The following STXBP6 variants were observed in gnomAD, a reference collection of about 807,000 sequenced individuals.
The protein encoded by STXBP6 is syntaxin-binding protein 6.
A neutral mutation model predicts 26.9 loss-of-function variants in STXBP6; 21 were observed. The ratio of observed to expected loss-of-function variants is 0.78; its 90% CI spans 0.55 to 1.12. The LOEUF (loss-of-function observed/expected upper bound fraction) is 1.12, where lower values mean the gene tolerates loss of function less well. STXBP6 is among the 50% of genes most tolerant of loss of function. STXBP6 has a pLI of 0.00. For missense variants in STXBP6, 232 were observed against 257.9 expected (o/e 0.90, Z 0.69); for synonymous variants, 97 against 92.6 (o/e 1.05, Z -0.27).
At chr14:25,018,332 A>T (rs993962261) in intron 1 of STXBP6, among the ~76,000 whole-genome samples, 5 of 152,164 alleles carry the variant, frequency 3.3e-5, no homozygotes, top group African/African-American at 9.7e-5. Flanking sequence ...CCACAGAGTG[A>T]TCTTTAATAA....
chr14:24,872,664 G>A (rs912369624), intron 2 of STXBP6, among the ~76,000 whole-genome samples: 1 of 152,172 alleles, frequency 6.6e-6, no homozygotes, highest in Non-Finnish European at 1.5e-5. Context: ...ACGAGAGTAG[G>A]GAGATGCCAC....
chr14:25,013,274 T>C (rs549663860), intron 1 of STXBP6, among the ~76,000 whole-genome samples: 4 of 152,138 alleles, frequency 2.6e-5, no homozygotes, highest in African/African-American at 9.7e-5. Context: ...GAATCGAACA[T>C]TTTTCTTGCC....
chr14:24,875,068 C>T (rs1004734875), intron 2 of STXBP6, among the ~76,000 whole-genome samples: 6 of 152,212 alleles, frequency 3.9e-5, no homozygotes, highest in Admixed American at 3.9e-4. Context: ...GCACTGACTG[C>T]AGCTAACTGA....
At chr14:24,857,758 C>T (rs146356327) in intron 2 of STXBP6, among the ~76,000 whole-genome samples, 316 of 151,912 alleles carry the variant, frequency 2.1e-3, no homozygotes, top group African/African-American at 7.4e-3. Flanking sequence ...GTTCTGGGCA[C>T]ACCTCCACAC....
At chr14:24,938,892 G>A (rs1316914544) in intron 2 of STXBP6, among the ~76,000 whole-genome samples, 1 of 152,058 alleles carries the variant, frequency 6.6e-6, no homozygotes, top group Non-Finnish European at 1.5e-5. Context: ...AAACCATTGT[G>A]GCAGTACAAC....
intron 1 of STXBP6, among the ~76,000 whole-genome samples, chr14:25,029,992 A>G (rs2075422496): frequency 6.6e-6 from 1 of 151,716 alleles, no homozygotes; most frequent in African/African-American, 2.4e-5. Context: ...GGAGCTGAAC[A>G]CTTTGAAAGT....
intron 4 of STXBP6, among the ~76,000 whole-genome samples, chr14:24,851,242 T>C (rs1314819828): frequency 6.6e-6 from 1 of 151,352 alleles, no homozygotes; most frequent in African/African-American, 2.4e-5. Flanking sequence ...CACGTCTCTT[T>C]TTTTTTTTTT....
rs2075782485 is a variant in STXBP6, at chr14:25,050,008, G to C, written c.-163C>G. ...CAAGGCTTAGCCGGCCCGGGTGCTGGCTCGCCGCCGCTCGCGGCTCCCGCG... is the reference window on the plus strand; with the variant it reads ...CAAGGCTTAGCCGGCCCGGGTGCTGCCTCGCCGCCGCTCGCGGCTCCCGCG... On this transcript the variant is annotated 5_prime_UTR_variant, in exon 1 of 6. Transcript: ENST00000323944. 7.7e-6 allele frequency: 3 copies of C among 390,014 alleles called. No homozygotes were observed. Among genetic ancestry groups the C allele is most frequent in the Non-Finnish European group, 7.0e-6 (2 of 286,024 alleles). The allele number at this position is 390,014 out of a possible 1,614,324, so 24.2% of individuals were successfully genotyped here.
At chr14:25,047,068 T>G (rs994061870) in intron 1 of STXBP6, among the ~76,000 whole-genome samples, 1 of 152,200 alleles carries the variant, frequency 6.6e-6, no homozygotes, top group African/African-American at 2.4e-5. Flanking sequence ...CTGCAAATTC[T>G]TCTTAAACTT....
chr14:24,901,905 A>G (rs2071226924), intron 2 of STXBP6, among the ~76,000 whole-genome samples: 1 of 152,138 alleles, frequency 6.6e-6, no homozygotes, highest in Admixed American at 6.5e-5. Flanking sequence ...GATGATGGAA[A>G]TGTTCTGTGT....
intron 2 of STXBP6, among the ~76,000 whole-genome samples, chr14:24,880,926 T>C (rs2070333929): frequency 6.6e-6 from 1 of 152,226 alleles, no homozygotes; most frequent in African/African-American, 2.4e-5. Flanking sequence ...CCGACATTCA[T>C]CCACTGCAAC....
chr14:24,980,966 G>A (rs1337763557), intron 1 of STXBP6, among the ~76,000 whole-genome samples: 1 of 152,190 alleles, frequency 6.6e-6, no homozygotes, highest in African/African-American at 2.4e-5. Flanking sequence ...GCTAGGGCCT[G>A]CAACTTGTTT....
In STXBP6 at chr14:25,002,858, C is replaced by T. The variant is rs538361447; in HGVS notation, c.-32-28008G>A. Among the ~76,000 whole-genome samples the T allele has an allele frequency of 7.9e-5, 12 of 152,028 alleles. No homozygotes were observed. The South Asian group carries it at 2.5e-3, about 32-fold the overall frequency. On this transcript the variant is annotated intron_variant, in intron 1 of 5. Coordinates refer to ENST00000323944, the MANE Select transcript of STXBP6 (RefSeq NM_001394410.1). Reference sequence around the variant, plus strand: ...TCTCCTGCCTCAGCCTTCCAAGTAGCTGGTATTACAGGCGTGTGCCACCAC... The same window carrying T: ...TCTCCTGCCTCAGCCTTCCAAGTAGTTGGTATTACAGGCGTGTGCCACCAC...
At chr14:25,046,938 C>A (rs1387589356) in intron 1 of STXBP6, among the ~76,000 whole-genome samples, 1 of 152,198 alleles carries the variant, frequency 6.6e-6, no homozygotes, top group Non-Finnish European at 1.5e-5. Context: ...ATGCCACTAC[C>A]ATTCTCCAGA....
chr14:24,836,061 G>A (rs1479364981), intron 4 of STXBP6, among the ~76,000 whole-genome samples: 1 of 152,244 alleles, frequency 6.6e-6, no homozygotes, highest in Admixed American at 6.5e-5. Context: ...TTTCACTGCT[G>A]CTCAAGACAG....
intron 1 of STXBP6, among the ~76,000 whole-genome samples, chr14:25,018,448 G>T (rs922689297): frequency 6.6e-6 from 1 of 152,110 alleles, no homozygotes; most frequent in African/African-American, 2.4e-5. Context: ...CATCTGAGAG[G>T]GGTAATATAA....
Position 25,049,946 on chromosome 14 carries a change from C to T in STXBP6, c.-101G>A. ...GCGTCCCAGAGCACGAGGCTCCTCCCCGGGGGGCTGCCCCGCGCGGGGCTC... is the reference window on the plus strand; with the variant it reads ...GCGTCCCAGAGCACGAGGCTCCTCCTCGGGGGGCTGCCCCGCGCGGGGCTC... On this transcript the variant is annotated 5_prime_UTR_variant, in exon 1 of 6. Coordinates refer to ENST00000323944, the MANE Select transcript of STXBP6 (RefSeq NM_001394410.1). This position sits in a 1 kb window ranked among gnomAD's most constrained non-coding sequence, Gnocchi z 5.6. 1 of 921,958 alleles carries T rather than the reference C, an allele frequency of 1.1e-6. No individual in the cohort carries two copies. Among genetic ancestry groups the T allele is most frequent in the Non-Finnish European group, 1.3e-6 (1 of 772,812 alleles). The allele number at this position is 921,958 out of a possible 1,614,324, so 57.1% of individuals were successfully genotyped here.
intron 2 of STXBP6, among the ~76,000 whole-genome samples, chr14:24,966,653 G>A (rs1362544317): frequency 1.3e-5 from 2 of 152,114 alleles, no homozygotes; most frequent in African/African-American, 2.4e-5. Flanking sequence ...TATTATCACT[G>A]GTTTTCACAG....
chr14:24,948,583 A>T (rs2073066443), intron 2 of STXBP6, among the ~76,000 whole-genome samples: 1 of 152,014 alleles, frequency 6.6e-6, no homozygotes, highest in Non-Finnish European at 1.5e-5. Flanking sequence ...TGACTGTGAG[A>T]ACTGTCCTCT....
Sources: allele counts gnomAD v4.1 joint callset (sites outside exome capture counted in the v4.1 genomes callset), GRCh38; gene constraint gnomAD v4.1.1; non-coding constraint Gnocchi (gnomAD v3.1); transcripts MANE v1.5; gene names NCBI Gene and HGNC (gene_info 2026-07-23, HGNC 2026-07-21).